SLC35A1: variants seen among roughly 807,000 people sequenced by gnomAD.
SLC35A1 encodes CMP-sialic acid transporter.
In SLC35A1, 21 loss-of-function variants were observed where a neutral mutation model predicts 40.3. The observed-to-expected ratio is 0.52, with a 90% CI of 0.37 to 0.75. The LOEUF (loss-of-function observed/expected upper bound fraction) is 0.75, where lower values mean the gene tolerates loss of function less well. Ranked by LOEUF, SLC35A1 falls within the 30% of genes least tolerant of loss-of-function variation. The pLI is 0.00. For missense variants in SLC35A1, 297 were observed against 382.1 expected (o/e 0.78, Z 1.86); for synonymous variants, 146 against 147.3 (o/e 0.99, Z 0.06).
At chr6:87,479,269 C>T (rs1015446031) in intron 2 of SLC35A1, among the ~76,000 whole-genome samples, 5 of 152,046 alleles carry the variant, frequency 3.3e-5, no homozygotes, top group East Asian at 3.8e-4. Context: ...CTCAATTTTC[C>T]GAAAGAAGAA....
chr6:87,510,145 A>AT (rs1486210862), intron 7 of SLC35A1, among the ~76,000 whole-genome samples: 1 of 152,160 alleles, frequency 6.6e-6, no homozygotes, highest in African/African-American at 2.4e-5. Flanking sequence ...AATATCACCT[A>AT]TTGCCTAGTG....
At chr6:87,477,271 TG>T in intron 1 of SLC35A1, 90 bp from the exon 2 acceptor site, 1 of 1,198,266 alleles carries the variant, frequency 8.3e-7, no homozygotes, top group Non-Finnish European at 1.2e-6. Context: ...TGCTTGGAAT[TG>T]GAAAGTATTT....
intron 2 of SLC35A1, among the ~76,000 whole-genome samples, chr6:87,479,349 C>T (rs1267426798): frequency 2.6e-5 from 4 of 152,190 alleles, no homozygotes; most frequent in African/African-American, 9.7e-5. Flanking sequence ...AGCACTTACT[C>T]TGCACCAACC....
At chr6:87,505,521 G>C (rs1363571433) in intron 4 of SLC35A1, among the ~76,000 whole-genome samples, 1 of 152,122 alleles carries the variant, frequency 6.6e-6, no homozygotes, top group Non-Finnish European at 1.5e-5. Context: ...ATGTATCTTA[G>C]TCCATTTTCT....
In SLC35A1 at chr6:87,511,460, C is replaced by T. The variant is rs749935090; in HGVS notation, c.948C>T (p.Pro316=). 17 of 1,613,432 alleles carry T rather than the reference C, an allele frequency of 1.1e-5. No homozygotes were observed. Among genetic ancestry groups the T allele is most frequent in the Non-Finnish European group, 1.4e-5 (16 of 1,179,686 alleles). ...VCVSIYLYGL[P]RQDTTSIQQG... is the part of the protein sequence containing the mutation. Reference sequence around the variant, plus strand: ...TTTCCATATATCTCTATGGATTACCCAGACAAGACACTACATCCATCCAAC... The same window carrying T: ...TTTCCATATATCTCTATGGATTACCTAGACAAGACACTACATCCATCCAAC... The change falls in exon 8 of 8, where the codon CCC becomes CCT. Residue 316 remains proline, a synonymous_variant. Transcript: ENST00000369552.
At chr6:87,482,237 C>G (rs550456840) in intron 2 of SLC35A1, among the ~76,000 whole-genome samples, 1 of 130,688 alleles carries the variant, frequency 7.7e-6, no homozygotes, top group African/African-American at 2.8e-5. Flanking sequence ...TATAAATTCT[C>G]CCCCCCCTCC....
chr6:87,499,079 G>C (rs1769834417), intron 2 of SLC35A1: 6 of 972,736 alleles, frequency 6.2e-6, no homozygotes. Context: ...GATGTCTTTT[G>C]TTTCTGTGGC....
intron 3 of SLC35A1, 98 bp from the exon 4 acceptor site, chr6:87,501,060 A>AT (rs768264524): frequency 2.1e-4 from 264 of 1,242,518 alleles, no homozygotes; most frequent in Non-Finnish European, 2.6e-4. Context: ...ATTATCAAAT[A>AT]TTTTTTATTG....
At position 87,497,893 on chromosome 6, in the gene SLC35A1, AG is replaced by A. The variant is rs3216664; in HGVS notation, c.195-2614del. ...ATAGGCATGTGCCACCACTCCTGGC[AG>A]TTTTTTTTTTTTTTTTAAGAGAAGG... On this transcript the variant is annotated intron_variant, in intron 2 of 7. Coordinates refer to ENST00000369552, the MANE Select transcript of SLC35A1 (RefSeq NM_006416.5). Among the ~76,000 whole-genome samples, 45 of 125,652 alleles carry A rather than the reference AG, an allele frequency of 3.6e-4. No homozygotes were observed. In the East Asian group the frequency reaches 7.4e-3, roughly 21 times the overall value. The allele number at this position is 125,652 out of a possible 152,430, so 82.4% of individuals were successfully genotyped here.
intron 1 of SLC35A1, among the ~76,000 whole-genome samples, chr6:87,476,522 C>T (rs981893903): frequency 6.6e-6 from 1 of 151,244 alleles, no homozygotes; most frequent in African/African-American, 2.4e-5. Flanking sequence ...GTCAGGAGTT[C>T]GAGACCAGCC....
At chr6:87,496,779 C>CAAAA (rs751785939) in intron 2 of SLC35A1, among the ~76,000 whole-genome samples, 363 of 27,788 alleles carry the variant, frequency 0.013, 6 homozygotes, top group Middle Eastern at 0.045. Flanking sequence ...GACTCCATCT[C>CAAAA]AAAAAAAAAA....
At chr6:87,501,125 A>G in intron 3 of SLC35A1, 33 bp from the exon 4 acceptor site, 1 of 1,548,298 alleles carries the variant, frequency 6.5e-7, no homozygotes, top group Non-Finnish European at 8.9e-7. Context: ...ACTAACATTA[A>G]CTGAATTTAT....
chr6:87,481,186 C>T (rs1293209871), intron 2 of SLC35A1, among the ~76,000 whole-genome samples: 2 of 152,050 alleles, frequency 1.3e-5, no homozygotes, highest in African/African-American at 2.4e-5. Context: ...GAGGCCGAGG[C>T]GGGTGGATCA....
intron 2 of SLC35A1, among the ~76,000 whole-genome samples, chr6:87,487,251 C>T (rs1228662441): frequency 6.6e-6 from 1 of 152,146 alleles, no homozygotes; most frequent in Non-Finnish European, 1.5e-5. Flanking sequence ...TTGAGAGTCA[C>T]TTTGACCTCT....
chr6:87,508,658 C>A, intron 6 of SLC35A1, 62 bp downstream of exon 6: 1 of 1,241,608 alleles, frequency 8.1e-7, no homozygotes, highest in Non-Finnish European at 1.2e-6. Flanking sequence ...AGTTAGATGT[C>A]CATTTTAAGC....
At chr6:87,492,659 T>C (rs1192802644) in intron 2 of SLC35A1, among the ~76,000 whole-genome samples, 1 of 151,546 alleles carries the variant, frequency 6.6e-6, no homozygotes, top group Non-Finnish European at 1.5e-5. Flanking sequence ...GCAATTCTCC[T>C]GCCTCAGCCT....
At chr6:87,505,392 T>C (rs1415547786) in intron 4 of SLC35A1, among the ~76,000 whole-genome samples, 2 of 152,204 alleles carry the variant, frequency 1.3e-5, no homozygotes, top group Non-Finnish European at 2.9e-5. Context: ...AACAGAGGGT[T>C]AGGACCCATA....
At chr6:87,510,117 C>T (rs1382745502) in intron 7 of SLC35A1, among the ~76,000 whole-genome samples, 13 of 152,166 alleles carry the variant, frequency 8.5e-5, no homozygotes, top group Admixed American at 7.9e-4. Context: ...ACACTTTCTT[C>T]ATCTGTAAAA....
At position 87,509,114 on chromosome 6, in the gene SLC35A1, T is replaced by G; in HGVS notation, c.825T>G (p.Ser275=). 6.2e-7 allele frequency: 1 copy of G among 1,614,200 alleles called. No individual in the cohort carries two copies. Among genetic ancestry groups the G allele is most frequent in the South Asian group, 1.1e-5 (1 of 91,084 alleles). The part of the protein sequence containing the change: ...KYTDNIMKGF[S]AAAAIVLSTI... ...CAGACAACATCATGAAAGGCTTTTC[T>G]GCAGCAGCGGCCATTGTCCTTTCCA... The change falls in exon 7 of 8, where the codon TCT becomes TCG. Residue 275 remains serine, a synonymous_variant. Transcript: ENST00000369552.
Sources: allele counts gnomAD v4.1 joint callset (sites outside exome capture counted in the v4.1 genomes callset), GRCh38; gene constraint gnomAD v4.1.1; transcripts MANE v1.5; gene names NCBI Gene and HGNC (gene_info 2026-07-23, HGNC 2026-07-21).